FAT1: variants seen among roughly 807,000 people sequenced by gnomAD.
FAT1 encodes FAT atypical cadherin 1.
A neutral mutation model predicts 329.8 loss-of-function variants in FAT1; 171 were observed. That is an observed-to-expected ratio of 0.52 (90% confidence interval 0.46 to 0.59). The LOEUF is 0.59. Ranked by LOEUF, FAT1 falls within the 20% of genes least tolerant of loss-of-function variation. The pLI, the probability that FAT1 is intolerant of heterozygous loss-of-function variation, is 0.00. For missense variants in FAT1, 5,672 were observed against 5,774.4 expected (o/e 0.98, Z 0.57); for synonymous variants, 2,233 against 2,228.6 (o/e 1.00, Z -0.06).
rs66981811 is a variant in FAT1, at chr4:186,675,782, AACACACACACACAC to A, written c.3266-12183_3266-12170del. Among the ~76,000 whole-genome samples, 813 of 143,198 alleles carry A rather than the reference AACACACACACACAC, an allele frequency of 5.7e-3. 8 individuals carry two copies. The highest frequency in any genetic ancestry group is 0.019 in the African/African-American group (730 of 38,948). The allele number at this position is 143,198 out of a possible 152,430, so 93.9% of individuals were successfully genotyped here. On this transcript the variant is annotated intron_variant, in intron 2 of 26. Coordinates refer to ENST00000441802, the MANE Select transcript of FAT1 (RefSeq NM_005245.4). ...CACACATACACACGACCCTGTCTAA[AACACACACACACAC>A]ACACACACACACACACACACACACA...
At chr4:186,720,751 T>G (rs573522294) in intron 1 of FAT1, among the ~76,000 whole-genome samples, 60 of 152,348 alleles carry the variant, frequency 3.9e-4, no homozygotes, top group Non-Finnish European at 6.6e-4. Context: ...TGGCCCAATG[T>G]TTGACACAGA....
chr4:186,618,875 T>C lies in FAT1; in HGVS notation c.7711A>G (p.Lys2571Glu). 1.9e-6 allele frequency: 3 copies of C among 1,614,036 alleles called. No individual in the cohort carries two copies. Among genetic ancestry groups the C allele is most frequent in the Non-Finnish European group, 2.5e-6 (3 of 1,179,898 alleles). Reference protein sequence around the residue: ...EKVISVRLMAKDAGGKVAFCT... With the variant: ...EKVISVRLMAEDAGGKVAFCT... The stretch of plus-strand genomic sequence containing the variant: ...AAAGCAACTTTTCCTCCAGCATCCT[T>C]AGCCATTAAACGGACTGAGATCACT... The change falls in exon 10 of 27, where the codon AAG becomes GAG. Residue 2571 changes from lysine to glutamate, a missense_variant. This residue lies in a region of FAT1 where 3,966 missense variants were observed against 3,915.2 expected (regional missense o/e 1.01). Coordinates refer to ENST00000441802, the MANE Select transcript of FAT1 (RefSeq NM_005245.4).
chr4:186,640,689 A>G (rs528305356), intron 3 of FAT1, among the ~76,000 whole-genome samples: 4 of 152,338 alleles, frequency 2.6e-5, no homozygotes, highest in African/African-American at 9.6e-5. Context: ...TCAAACTAGA[A>G]TATCTATGAG....
rs532200031 is a variant in FAT1, at chr4:186,716,263, TA to T, written c.-18-6419del. On this transcript the variant is annotated intron_variant, in intron 1 of 26. Coordinates refer to ENST00000441802, the MANE Select transcript of FAT1 (RefSeq NM_005245.4). ...TGTTATGATAAAAACACAAAATTAT[TA>T]AGTTGAGAACTCTGTGTTCTCCCTC... Among the ~76,000 whole-genome samples the T allele has an allele frequency of 1.5e-3, 236 of 152,332 alleles. 3 individuals are homozygous for T. The highest frequency in any genetic ancestry group is 3.4e-3 in the Middle Eastern group (1 of 294).
rs573617058 is a variant in FAT1 at position 186,660,424 on chromosome 4, T to C, written c.3580+2875A>G. ...TACTGTTCTTCATCTTCAGAGACTT[T>C]AGGTGATCTGTGGAATGTTGAGACT... On this transcript the variant is annotated intron_variant, in intron 3 of 26. Transcript: ENST00000441802. Among the ~76,000 whole-genome samples, 16 of 152,336 alleles carry C rather than the reference T, an allele frequency of 1.1e-4. No individual in the cohort carries two copies. The South Asian group carries it at 2.9e-3, about 28-fold the overall frequency.
chr4:186,647,789 C>G (rs1223349651), intron 3 of FAT1, among the ~76,000 whole-genome samples: 1 of 152,138 alleles, frequency 6.6e-6, no homozygotes, highest in African/African-American at 2.4e-5. Context: ...AAGGAAGTGT[C>G]TAGTTTAAGT....
Position 186,702,576 on chromosome 4 carries a change from C to T in FAT1, c.3265+3987G>A, listed in dbSNP as rs1310116490. Among the ~76,000 whole-genome samples, 3 of 152,204 alleles carry T rather than the reference C, an allele frequency of 2.0e-5. No individual in the cohort carries two copies. The East Asian group carries it at 5.8e-4, about 29-fold the overall frequency. The stretch of plus-strand genomic sequence containing the variant: ...CTGCTTCAACACCAACTTCTATTCA[C>T]AATTTCTACAAAATCTTCTGGCCAG... On this transcript the variant is annotated intron_variant, in intron 2 of 26. Coordinates refer to ENST00000441802, the MANE Select transcript of FAT1 (RefSeq NM_005245.4).
At chr4:186,664,187 AC>A (rs1336081883) in intron 2 of FAT1, among the ~76,000 whole-genome samples, 2 of 151,996 alleles carry the variant, frequency 1.3e-5, no homozygotes, top group Non-Finnish European at 2.9e-5. Flanking sequence ...CTGCACACAC[AC>A]CCCTTCTCAC....
At chr4:186,623,982 T>A (rs1054248748) in intron 9 of FAT1, among the ~76,000 whole-genome samples, 3 of 152,110 alleles carry the variant, frequency 2.0e-5, no homozygotes, top group Admixed American at 2.0e-4. Context: ...CACATCCATA[T>A]AGATTAAGGC....
chr4:186,709,214 A>G lies in FAT1; in HGVS notation c.614T>C (p.Val205Ala). The G allele has an allele frequency of 6.2e-7, 1 of 1,613,998 alleles. No homozygotes were observed. The highest frequency in any genetic ancestry group is 8.5e-7 in the Non-Finnish European group (1 of 1,179,886). ...TAGGTAATCAAGTCTACCAGTTAAC[A>G]CTATCACACCACTGGTTGGGTGAAT... Reference protein sequence around the residue: ...FAIHPTSGVIVLTGRLDYLET... With the variant: ...FAIHPTSGVIALTGRLDYLET... Residue 205 changes from valine (V) to alanine (A), a missense_variant, in exon 2 of 27, where the codon GTG becomes GCG. Coordinates refer to ENST00000441802, the MANE Select transcript of FAT1 (RefSeq NM_005245.4).
chr4:186,629,916 T>C (rs952116183), intron 7 of FAT1, among the ~76,000 whole-genome samples: 1 of 152,224 alleles, frequency 6.6e-6, no homozygotes, highest in African/African-American at 2.4e-5. Context: ...ATAAAGGCAA[T>C]TACCATAGAT....
intron 26 of FAT1, among the ~76,000 whole-genome samples, chr4:186,591,565 TCAATGAAGGAGACTG>T (rs1258973496): frequency 8.5e-5 from 13 of 152,328 alleles, no homozygotes; most frequent in African/African-American, 3.1e-4. Flanking sequence ...AAAATATTTG[TCAATGAAGGAGACTG>T]CAATGAAGGA....
At chr4:186,669,898 T>C (rs559562669) in intron 2 of FAT1, among the ~76,000 whole-genome samples, 2 of 152,170 alleles carry the variant, frequency 1.3e-5, no homozygotes, top group African/African-American at 4.8e-5. Flanking sequence ...TAATAACTCC[T>C]ACTCCCCGCC....
At chr4:186,670,386 A>C (rs1433911112) in intron 2 of FAT1, among the ~76,000 whole-genome samples, 2 of 152,332 alleles carry the variant, frequency 1.3e-5, no homozygotes, top group Middle Eastern at 3.4e-3. Context: ...CCCTACAGGC[A>C]ACAACAGACA....
At chr4:186,654,793 C>A (rs1741827108) in intron 3 of FAT1, among the ~76,000 whole-genome samples, 1 of 151,932 alleles carries the variant, frequency 6.6e-6, no homozygotes, top group African/African-American at 2.4e-5. Context: ...GGTCTGTGAT[C>A]CCAGCTATTC....
rs527294850 is a variant in FAT1 at position 186,686,244 on chromosome 4, C to CT, written c.3265+20318_3265+20319insA. Among the ~76,000 whole-genome samples, 636 of 148,002 alleles carry CT rather than the reference C, an allele frequency of 4.3e-3. 2 individuals carry two copies. Among genetic ancestry groups the CT allele is most frequent in the Non-Finnish European group, 7.6e-3 (505 of 66,792 alleles). ...TAATTATTTGAGAATTTTCACCCCC[C>CT]CCCGACATTCTGAAGAAAACATGTA... On this transcript the variant is annotated intron_variant, in intron 2 of 26. Coordinates refer to ENST00000441802, the MANE Select transcript of FAT1 (RefSeq NM_005245.4).
rs560351512 is a variant in FAT1, at chr4:186,633,800, C to T, written c.4207G>A (p.Asp1403Asn). Residue 1403 changes from aspartate to asparagine, a missense_variant, in exon 7 of 27, where the codon GAT becomes AAT. Physicochemically the swap from Asp to Asn is conservative, Grantham distance 23. Transcript: ENST00000441802. ...ITGGNYDSHF[D>N]VDKGTGTIIV... ...ATGGTTCCAGTTCCCTTGTCCACAT[C>T]GAAGTGACTGTCGTAGTTGCCACCT... The T allele has an allele frequency of 1.9e-6, 3 of 1,613,856 alleles. No individual in the cohort carries two copies. The highest frequency in any genetic ancestry group is 1.6e-4 in the Middle Eastern group (1 of 6,062).
In FAT1 at chr4:186,588,403, G is replaced by A. The variant is rs919777355; in HGVS notation, c.*189C>T. 4.7e-6 allele frequency: 3 copies of A among 637,132 alleles called. No individual in the cohort carries two copies. Among genetic ancestry groups the A allele is most frequent in the Non-Finnish European group, 7.7e-6 (3 of 388,796 alleles). 39.5% of individuals were successfully genotyped at this position (637,132 alleles called of 1,614,324 possible). A position where few individuals can be genotyped will look rare whatever the true frequency, so the allele number is the denominator to read the frequency against. The stretch of plus-strand genomic sequence containing the variant: ...GACGTTGGGAAATGGCACAGCCGAT[G>A]AAAACCTCACGATGACAGTAGTTGG... On this transcript the variant is annotated 3_prime_UTR_variant, in exon 27 of 27. Coordinates refer to ENST00000441802, the MANE Select transcript of FAT1 (RefSeq NM_005245.4).
intron 7 of FAT1, among the ~76,000 whole-genome samples, chr4:186,630,109 G>A (rs1297257731): frequency 6.6e-6 from 1 of 152,218 alleles, no homozygotes; most frequent in Non-Finnish European, 1.5e-5. Context: ...TTGCCTGGGT[G>A]TGAAATCAGC....
Sources: allele counts gnomAD v4.1 joint callset (sites outside exome capture counted in the v4.1 genomes callset), GRCh38; gene constraint gnomAD v4.1.1; regional missense constraint gnomAD v4.1.1; transcripts MANE v1.5; gene names NCBI Gene and HGNC (gene_info 2026-07-23, HGNC 2026-07-21).